The following FUCA2 variants were observed in gnomAD, a reference collection of about 807,000 sequenced individuals.
FUCA2 encodes plasma alpha-L-fucosidase.
FUCA2 carries 41 observed loss-of-function variants against 52.6 expected under a neutral mutation model. The observed-to-expected ratio is 0.78, with a 90% CI of 0.61 to 1.01. FUCA2 has a LOEUF of 1.01. FUCA2 is among the 50% of genes least tolerant of loss of function. The probability of loss-of-function intolerance (pLI) is 0.00; values close to 1 mark genes in which losing one functional copy is unlikely to be tolerated. For missense variants in FUCA2, 507 were observed against 569.5 expected (o/e 0.89, Z 1.12); for synonymous variants, 211 against 217.3 (o/e 0.97, Z 0.26).
rs1780580944 is a variant in FUCA2 at position 143,504,872 on chromosome 6, CT to C, written c.413-621del. On this transcript the variant is annotated intron_variant, in intron 2 of 6. Coordinates refer to ENST00000002165, the MANE Select transcript of FUCA2 (RefSeq NM_032020.5). The surrounding 1 kb of genome is among the most constrained non-coding windows in gnomAD (Gnocchi z 4.4). ...CCAGAGGGGCAAAAAAAAACCCCTACTATTCCCAATAGTTCTATACTTTAAA... is the reference window on the plus strand; with the variant it reads ...CCAGAGGGGCAAAAAAAAACCCCTACATTCCCAATAGTTCTATACTTTAAA... 7.3e-6 allele frequency: 1 copy of C among 137,256 alleles called. No individual in the cohort carries two copies. Among genetic ancestry groups the C allele is most frequent in the Non-Finnish European group, 1.5e-5 (1 of 64,548 alleles). 8.5% of individuals were successfully genotyped at this position (137,256 alleles called of 1,614,324 possible). A position where few individuals can be genotyped will look rare whatever the true frequency, so the allele number is the denominator to read the frequency against.
In FUCA2 at chr6:143,497,778, G is replaced by T. The variant is rs1019381569; in HGVS notation, c.1155-281C>A. On this transcript the variant is annotated intron_variant, in intron 5 of 6. Transcript: ENST00000002165. The surrounding 1 kb of genome is among the most constrained non-coding windows in gnomAD (Gnocchi z 5.3). ...AAAGGGGAGGGAGATGATCTAAGGG[G>T]ACAGGATGCAAGAGCTTCATGGCTT... is the stretch of plus-strand genomic sequence containing the variant. Among the ~76,000 whole-genome samples the T allele has an allele frequency of 3.4e-4, 51 of 152,172 alleles. No individual in the cohort carries two copies. Among genetic ancestry groups the T allele is most frequent in the African/African-American group, 1.2e-3 (50 of 41,450 alleles).
rs921621579 is a variant in FUCA2, at chr6:143,501,911, T to C, written c.1154+21A>G. On this transcript the variant is annotated intron_variant, in intron 5 of 6. Coordinates refer to ENST00000002165, the MANE Select transcript of FUCA2 (RefSeq NM_032020.5). This position sits in a 1 kb window ranked among gnomAD's most constrained non-coding sequence, Gnocchi z 6.1. ...AATCTCTTCCTTTATAAAAGAGTAC[T>C]TGGTAACAAGAATGACTTACCACAC... 1.9e-6 allele frequency: 3 copies of C among 1,590,308 alleles called. No individual in the cohort carries two copies. The highest frequency in any genetic ancestry group is 2.7e-5 in the African/African-American group (2 of 74,116).
chr6:143,502,184 A>G lies in FUCA2; in HGVS notation c.964-62T>C. The G allele has an allele frequency of 7.1e-7, 1 of 1,411,052 alleles. No homozygotes were observed. The highest frequency in any genetic ancestry group is 9.6e-7 in the Non-Finnish European group (1 of 1,037,960). 87.4% of individuals were successfully genotyped at this position (1,411,052 alleles called of 1,614,324 possible). ...ATAATTCCATCTTTAATGTGCTAAT[A>G]TGTTGCATTTATATATTTATACATG... On this transcript the variant is annotated intron_variant, in intron 4 of 6. Transcript: ENST00000002165. This position sits in a 1 kb window ranked among gnomAD's most constrained non-coding sequence, Gnocchi z 4.1.
At chr6:143,508,402 CAG>C (rs200762361) in intron 1 of FUCA2, among the ~76,000 whole-genome samples, 1,979 of 152,322 alleles carry the variant, frequency 0.013, 38 homozygotes, top group African/African-American at 0.044. Flanking sequence ...AGTATTTCTA[CAG>C]GATAAGCAAA....
rs1469254086 is a variant in FUCA2 at position 143,510,040 on chromosome 6, T to C, written c.224+1371A>G. Among the ~76,000 whole-genome samples the C allele has an allele frequency of 3.3e-5, 5 of 152,174 alleles. No individual in the cohort carries two copies. Among genetic ancestry groups the C allele is most frequent in the Non-Finnish European group, 7.3e-5 (5 of 68,036 alleles). The stretch of plus-strand genomic sequence containing the variant: ...CTCTGTACTAGAAGGAAAGGCAACA[T>C]CCTAAGCTTCAAAGACAAGAAGTAG... On this transcript the variant is annotated intron_variant, in intron 1 of 6. Transcript: ENST00000002165. The surrounding 1 kb of genome is among the most constrained non-coding windows in gnomAD (Gnocchi z 4.4).
Position 143,495,654 on chromosome 6 carries a change from TGATAGTTCCTAGCC to T in FUCA2, c.*39_*52del. The T allele has an allele frequency of 6.4e-7, 1 of 1,554,582 alleles. No individual in the cohort carries two copies. The highest frequency in any genetic ancestry group is 1.8e-5 in the Admixed American group (1 of 56,904). ...TCCATGTGCTACAATTATAGACACC[TGATAGTTCCTAGCC>T]TTAGACATAACTTGCAGCATCAGCC... On this transcript the variant is annotated 3_prime_UTR_variant, in exon 7 of 7. Coordinates refer to ENST00000002165, the MANE Select transcript of FUCA2 (RefSeq NM_032020.5). This position sits in a 1 kb window ranked among gnomAD's most constrained non-coding sequence, Gnocchi z 5.2.
Position 143,503,056 on chromosome 6 carries a change from T to G in FUCA2, c.753-491A>C, listed in dbSNP as rs1250975558. 1 of 155,150 alleles carries G rather than the reference T, an allele frequency of 6.4e-6. No individual in the cohort carries two copies. Among genetic ancestry groups the G allele is most frequent in the African/African-American group, 2.4e-5 (1 of 41,460 alleles). The allele number at this position is 155,150 out of a possible 1,614,324, so 9.6% of individuals were successfully genotyped here. ...AAATCTCAGAAAATTTGACTGTTGA[T>G]ATCATGTGAAATATCCCCACAATAT... is the stretch of plus-strand genomic sequence containing the variant. On this transcript the variant is annotated intron_variant, in intron 3 of 6. Transcript: ENST00000002165. This position sits in a 1 kb window ranked among gnomAD's most constrained non-coding sequence, Gnocchi z 4.8.
rs1780572582 is a variant in FUCA2 at position 143,504,387 on chromosome 6, G to A, written c.413-135C>T. 6 of 725,494 alleles carry A rather than the reference G, an allele frequency of 8.3e-6. No individual in the cohort carries two copies. The allele number at this position is 725,494 out of a possible 1,614,324, so 44.9% of individuals were successfully genotyped here. A position where few individuals can be genotyped will look rare whatever the true frequency, so the allele number is the denominator to read the frequency against. Reference sequence around the variant, plus strand: ...CTGCTCCTACAAATGACTGTTTTATGGCCATTTTTTCATAGCATATATTGT... The same window carrying A: ...CTGCTCCTACAAATGACTGTTTTATAGCCATTTTTTCATAGCATATATTGT... On this transcript the variant is annotated intron_variant, in intron 2 of 6. Transcript: ENST00000002165. This position sits in a 1 kb window ranked among gnomAD's most constrained non-coding sequence, Gnocchi z 4.4.
Position 143,507,173 on chromosome 6 carries a change from C to G in FUCA2, c.412+64G>C. On this transcript the variant is annotated intron_variant, in intron 2 of 6. Coordinates refer to ENST00000002165, the MANE Select transcript of FUCA2 (RefSeq NM_032020.5). The surrounding 1 kb of genome is among the most constrained non-coding windows in gnomAD (Gnocchi z 4.5). ...TTAGACCTTGCTTTAGTTTTTTCTT[C>G]CAAAAGAACAACTTTTCATTTCTTA... 2.0e-6 allele frequency: 3 copies of G among 1,480,960 alleles called. No individual in the cohort carries two copies. Among genetic ancestry groups the G allele is most frequent in the Non-Finnish European group, 2.7e-6 (3 of 1,095,114 alleles). 91.7% of individuals were successfully genotyped at this position (1,480,960 alleles called of 1,614,324 possible).
rs767233296 is a variant in FUCA2, at chr6:143,495,838, G to C, written c.1273C>G (p.Leu425Val). 1.9e-6 allele frequency: 3 copies of C among 1,613,656 alleles called. No individual in the cohort carries two copies. The highest frequency in any genetic ancestry group is 2.7e-5 in the African/African-American group (2 of 74,918). ...CAGTTAAGTGGCTGTCCATGGCCCA[G>C]TAGTTTCACCTGAAATTAAAAACAT... The part of the protein sequence containing the change: ...AILGATEVKL[L>V]GHGQPLNWIS... Residue 425 changes from leucine to valine, a missense_variant, in exon 7 of 7, where the codon CTG (leucine) becomes GTG (valine). By Grantham distance (32) the Leu-to-Val change is conservative (BLOSUM62 1). Transcript: ENST00000002165. The surrounding 1 kb of genome is among the most constrained non-coding windows in gnomAD (Gnocchi z 5.2).
At position 143,508,762 on chromosome 6, in the gene FUCA2, G is replaced by A. The variant is rs973239918; in HGVS notation, c.225-1338C>T. On this transcript the variant is annotated intron_variant, in intron 1 of 6. Coordinates refer to ENST00000002165, the MANE Select transcript of FUCA2 (RefSeq NM_032020.5). ...GCTGAGGATGAAAGAAAGAGCCCGT[G>A]TCTTTGATTTCATCAATGAACCGAC... Among the ~76,000 whole-genome samples the A allele has an allele frequency of 9.2e-5, 14 of 152,222 alleles. 1 individual carries two copies. Among genetic ancestry groups the A allele is most frequent in the Non-Finnish European group, 1.9e-4 (13 of 68,040 alleles).
At position 143,502,180 on chromosome 6, in the gene FUCA2, T is replaced by C. The variant is rs1444543678; in HGVS notation, c.964-58A>G. 1 of 1,421,838 alleles carries C rather than the reference T, an allele frequency of 7.0e-7. No individual in the cohort carries two copies. Among genetic ancestry groups the C allele is most frequent in the Non-Finnish European group, 9.6e-7 (1 of 1,046,626 alleles). The allele number at this position is 1,421,838 out of a possible 1,614,324, so 88.1% of individuals were successfully genotyped here. On this transcript the variant is annotated intron_variant, in intron 4 of 6. Transcript: ENST00000002165. This position sits in a 1 kb window ranked among gnomAD's most constrained non-coding sequence, Gnocchi z 4.1. Reference sequence around the variant, plus strand: ...TAAAATAATTCCATCTTTAATGTGCTAATATGTTGCATTTATATATTTATA... The same window carrying C: ...TAAAATAATTCCATCTTTAATGTGCCAATATGTTGCATTTATATATTTATA...
chr6:143,511,643 G>T lies in FUCA2; in HGVS notation c.-9C>A, dbSNP rs1421002346. The T allele has an allele frequency of 1.3e-6, 2 of 1,502,512 alleles. No homozygotes were observed. The highest frequency in any genetic ancestry group is 1.8e-6 in the Non-Finnish European group (2 of 1,125,830). 93.1% of individuals were successfully genotyped at this position (1,502,512 alleles called of 1,614,324 possible). A position where few individuals can be genotyped will look rare whatever the true frequency, so the allele number is the denominator to read the frequency against. Reference sequence around the variant, plus strand: ...AGCTCCTGGGGCCGCATGTCCCGGCGCAGGCCGGCTGTCCTCTCTGCAGGC... The same window carrying T: ...AGCTCCTGGGGCCGCATGTCCCGGCTCAGGCCGGCTGTCCTCTCTGCAGGC... On this transcript the variant is annotated 5_prime_UTR_variant, in exon 1 of 7. Transcript: ENST00000002165. The surrounding 1 kb of genome is among the most constrained non-coding windows in gnomAD (Gnocchi z 6.3).
chr6:143,501,382 A>T lies in FUCA2; in HGVS notation c.1154+550T>A, dbSNP rs1373588408. Among the ~76,000 whole-genome samples the T allele has an allele frequency of 6.6e-6, 1 of 152,212 alleles. No individual in the cohort carries two copies. The highest frequency in any genetic ancestry group is 2.4e-5 in the African/African-American group (1 of 41,464). On this transcript the variant is annotated intron_variant, in intron 5 of 6. Coordinates refer to ENST00000002165, the MANE Select transcript of FUCA2 (RefSeq NM_032020.5). This position sits in a 1 kb window ranked among gnomAD's most constrained non-coding sequence, Gnocchi z 6.1. ...ATACTCATCTTATTTTATATATGTT[A>T]AGAAACCATATCAGAAACTGTCATA...
chr6:143,506,792 T>C (rs1445433484), intron 2 of FUCA2: 1 of 157,828 alleles, frequency 6.3e-6, no homozygotes. Flanking sequence ...TTTGCACCAT[T>C]TGGCCAGCTA....
intron 1 of FUCA2, among the ~76,000 whole-genome samples, chr6:143,508,402 C>A (rs74733397): frequency 0.021 from 3,214 of 152,328 alleles, 111 homozygotes; most frequent in African/African-American, 0.074. Context: ...AGTATTTCTA[C>A]AGGATAAGCA....
rs745924002 is a variant in FUCA2 at position 143,502,069 on chromosome 6, G to C, written c.1017C>G (p.Pro339=). ...CGGNLLMNIG[P]TLDGTISVVF... is the part of the protein sequence containing the mutation. ...CTACAGAAATGGTGCCATCTAGTGT[G>C]GGCCCAATATTCATCAAAAGATTTC... Residue 339 remains proline (P), a synonymous_variant, in exon 5 of 7, where the codon CCC becomes CCG. Transcript: ENST00000002165. The surrounding 1 kb of genome is among the most constrained non-coding windows in gnomAD (Gnocchi z 4.1). The C allele has an allele frequency of 6.2e-6, 10 of 1,613,464 alleles. No homozygotes were observed. The highest frequency in any genetic ancestry group is 8.5e-6 in the Non-Finnish European group (10 of 1,179,724).
In FUCA2 at chr6:143,502,783, C is replaced by T. The variant is rs1780548314; in HGVS notation, c.753-218G>A. The T allele has an allele frequency of 4.0e-6, 2 of 498,498 alleles. No individual in the cohort carries two copies. The highest frequency in any genetic ancestry group is 7.1e-6 in the Non-Finnish European group (2 of 281,808). 30.9% of individuals were successfully genotyped at this position (498,498 alleles called of 1,614,324 possible). A position where few individuals can be genotyped will look rare whatever the true frequency, so the allele number is the denominator to read the frequency against. ...CCCAGACCTAGAGCAAATTACCTGA[C>T]TCCTCTGAATAATGAATTTCCTCAT... On this transcript the variant is annotated intron_variant, in intron 3 of 6. Transcript: ENST00000002165. This position sits in a 1 kb window ranked among gnomAD's most constrained non-coding sequence, Gnocchi z 4.1.
intron 1 of FUCA2, among the ~76,000 whole-genome samples, chr6:143,508,699 G>C (rs1351290142): frequency 6.6e-6 from 1 of 152,200 alleles, no homozygotes; most frequent in Admixed American, 6.5e-5. Flanking sequence ...TATGGTGCCT[G>C]GCTGCCATCC....
Sources: gnomAD v4.1 joint callset for allele counts (sites outside exome capture counted in the v4.1 genomes callset) on GRCh38, gnomAD v4.1.1 for gene constraint, Gnocchi (gnomAD v3.1) non-coding constraint, MANE v1.5 for transcripts, NCBI Gene and HGNC (gene_info 2026-07-23, HGNC 2026-07-21) for gene names.